ITGA9: variants seen among roughly 807,000 people sequenced by gnomAD.
The protein encoded by ITGA9 is integrin alpha-9.
In ITGA9, 56 loss-of-function variants were observed where a neutral mutation model predicts 127.8. The observed-to-expected ratio is 0.44, with a 90% CI of 0.35 to 0.55. ITGA9 has a LOEUF of 0.55. Ranked by LOEUF, ITGA9 falls within the 20% of genes least tolerant of loss-of-function variation. The pLI, the probability that ITGA9 is intolerant of heterozygous loss-of-function variation, is 0.00. For synonymous variants in ITGA9, 508 were observed against 514.5 expected (o/e 0.99, Z 0.17); for missense variants, 1,196 against 1,347.1 (o/e 0.89, Z 1.76).
chr3:37,573,959 C>A (rs1699627045), intron 15 of ITGA9, among the ~76,000 whole-genome samples: 2 of 152,114 alleles, frequency 1.3e-5, no homozygotes, highest in South Asian at 4.1e-4. Flanking sequence ...ACATGGGAAT[C>A]CTAGGACTCC....
intron 15 of ITGA9, among the ~76,000 whole-genome samples, chr3:37,575,366 CT>C (rs1699644213): frequency 6.6e-6 from 1 of 152,150 alleles, no homozygotes; most frequent in Non-Finnish European, 1.5e-5. Context: ...TGCTGTGTAA[CT>C]TTGACTTTCT....
chr3:37,585,987 C>T (rs1031780356), intron 15 of ITGA9, among the ~76,000 whole-genome samples: 12 of 152,292 alleles, frequency 7.9e-5, no homozygotes, highest in East Asian at 1.9e-4. Context: ...ATGATTCTCA[C>T]GTTCTGGTCT....
chr3:37,565,805 C>G (rs993359347), intron 15 of ITGA9, among the ~76,000 whole-genome samples: 1 of 152,202 alleles, frequency 6.6e-6, no homozygotes, highest in Non-Finnish European at 1.5e-5. Flanking sequence ...AACATTCCCA[C>G]GTGATGCTGC....
At chr3:37,453,499 A>G (rs1698224380) in intron 1 of ITGA9, among the ~76,000 whole-genome samples, 1 of 152,196 alleles carries the variant, frequency 6.6e-6, no homozygotes, top group South Asian at 2.1e-4. Context: ...CCTCTGGACC[A>G]GAGGGTATAA....
At chr3:37,601,098 C>G (rs1699918572) in intron 15 of ITGA9, among the ~76,000 whole-genome samples, 1 of 152,220 alleles carries the variant, frequency 6.6e-6, no homozygotes, top group East Asian at 1.9e-4. Context: ...TTCCCCACCC[C>G]AGTCCTTTAA....
chr3:37,487,886 A>G (rs1015432522), intron 4 of ITGA9, among the ~76,000 whole-genome samples: 2 of 152,190 alleles, frequency 1.3e-5, no homozygotes, highest in African/African-American at 4.8e-5. Flanking sequence ...ACTACACTAT[A>G]GACTTGTTAA....
In ITGA9 at chr3:37,616,127, CT is replaced by C. The variant is rs1700071863; in HGVS notation, c.1690-13059del. Reference sequence around the variant, plus strand: ...AGTGCTGTAAATTTCCCTCTACACACTGCTTTGAATGTGTCCCAGAGATTCT... The same window carrying C: ...AGTGCTGTAAATTTCCCTCTACACACGCTTTGAATGTGTCCCAGAGATTCT... On this transcript the variant is annotated intron_variant, in intron 15 of 27. Coordinates refer to ENST00000264741, the MANE Select transcript of ITGA9 (RefSeq NM_002207.3). Among the ~76,000 whole-genome samples, 4 of 152,212 alleles carry C rather than the reference CT, an allele frequency of 2.6e-5. No homozygotes were observed. The South Asian group carries it at 8.3e-4, about 32-fold the overall frequency.
At chr3:37,503,784 G>A (rs572946189) in intron 6 of ITGA9, among the ~76,000 whole-genome samples, 8 of 152,254 alleles carry the variant, frequency 5.3e-5, no homozygotes, top group Middle Eastern at 3.4e-3. Context: ...AATTTCTCTT[G>A]CTTTCTTAAC....
At chr3:37,494,697 C>G (rs1698708945) in intron 5 of ITGA9, 129 bp downstream of exon 5, 1 of 769,436 alleles carries the variant, frequency 1.3e-6, no homozygotes, top group Non-Finnish European at 2.3e-6. Context: ...GGAGCAGATT[C>G]TGGTCCTCAC....
At chr3:37,506,117 T>C (rs1172301031) in intron 7 of ITGA9, 32 bp downstream of exon 7, 8 of 1,496,686 alleles carry the variant, frequency 5.3e-6, no homozygotes, top group Non-Finnish European at 7.4e-6. Context: ...ATAGCTGGGG[T>C]CAGACAGAAG....
chr3:37,647,453 GTTT>G (rs58911100), intron 16 of ITGA9, among the ~76,000 whole-genome samples: 1 of 141,684 alleles, frequency 7.1e-6, no homozygotes, highest in Non-Finnish European at 1.5e-5. Context: ...GCCTAACATA[GTTT>G]TTTTTTTTTT....
intron 22 of ITGA9, among the ~76,000 whole-genome samples, chr3:37,744,298 G>T (rs1696474126): frequency 6.6e-6 from 1 of 152,196 alleles, no homozygotes; most frequent in African/African-American, 2.4e-5. Flanking sequence ...AGCCCTCTGT[G>T]TGGTGGAGGC....
chr3:37,475,565 G>A (rs995769110), intron 3 of ITGA9, among the ~76,000 whole-genome samples: 1 of 152,224 alleles, frequency 6.6e-6, no homozygotes, highest in Non-Finnish European at 1.5e-5. Context: ...TGGTGCCATG[G>A]ATAGTCCTGT....
intron 17 of ITGA9, 87 bp downstream of exon 17, chr3:37,653,877 C>T: frequency 1.1e-6 from 1 of 926,522 alleles, no homozygotes; most frequent in South Asian, 1.3e-5. Flanking sequence ...GATTTCCCCA[C>T]TGAAGAGGAT....
chr3:37,723,051 G>T (rs1701207925), intron 18 of ITGA9, among the ~76,000 whole-genome samples: 1 of 152,098 alleles, frequency 6.6e-6, no homozygotes, highest in Non-Finnish European at 1.5e-5. Flanking sequence ...TTTTGATTTA[G>T]ATTTCCCTGA....
chr3:37,711,954 C>G (rs1022754974), intron 18 of ITGA9, among the ~76,000 whole-genome samples: 1 of 152,278 alleles, frequency 6.6e-6, no homozygotes, highest in Non-Finnish European at 1.5e-5. Context: ...TACAGATGAG[C>G]CCAAGTCACC....
rs189387612 is a variant in ITGA9, at chr3:37,492,653, A to G, written c.545-1848A>G. Among the ~76,000 whole-genome samples the G allele has an allele frequency of 3.9e-5, 6 of 152,314 alleles. No homozygotes were observed. The East Asian group carries it at 7.7e-4, about 20-fold the overall frequency. On this transcript the variant is annotated intron_variant, in intron 4 of 27. Coordinates refer to ENST00000264741, the MANE Select transcript of ITGA9 (RefSeq NM_002207.3). ...AAAGAGTCCCACACAATTCCTATTC[A>G]TGTCAGAAATTTATGAGGCTGAACT...
chr3:37,669,747 G>C (rs1305858392), intron 17 of ITGA9, among the ~76,000 whole-genome samples: 1 of 152,170 alleles, frequency 6.6e-6, no homozygotes, highest in African/African-American at 2.4e-5. Flanking sequence ...ATGTGTGGGA[G>C]ACCCCTTCAG....
At chr3:37,726,593 A>G (rs1696206339) in intron 18 of ITGA9, among the ~76,000 whole-genome samples, 1 of 152,242 alleles carries the variant, frequency 6.6e-6, no homozygotes, top group South Asian at 2.1e-4. Context: ...GCCTGGGTCT[A>G]CTGGCCAAGC....
Sources: allele counts gnomAD v4.1 joint callset (sites outside exome capture counted in the v4.1 genomes callset), GRCh38; gene constraint gnomAD v4.1.1; transcripts MANE v1.5; gene names NCBI Gene and HGNC (gene_info 2026-07-23, HGNC 2026-07-21).